SHANK2: variants seen among roughly 807,000 people sequenced by gnomAD.
SHANK2 encodes SH3 and multiple ankyrin repeat domains protein 2.
Under a neutral mutation model 133.7 loss-of-function variants are expected in SHANK2, and 43 were observed. That is an observed-to-expected ratio of 0.32 (90% CI 0.25 to 0.41). The LOEUF (loss-of-function observed/expected upper bound fraction) is 0.41. Among genes scored for constraint, SHANK2 ranks in the 10% least tolerant of loss-of-function variants. The pLI is 1.00. For synonymous variants in SHANK2, 1,017 were observed against 952.8 expected, an observed-to-expected ratio of 1.07 and a Z score of -1.24; for missense variants, 1,994 against 2,235.8, an observed-to-expected ratio of 0.89 and a Z score of 2.18.
At chr11:71,094,446 C>T in intron 7 of SHANK2, 91 bp downstream of exon 7, 1 of 1,295,396 alleles carries the variant, frequency 7.7e-7, no homozygotes, top group Non-Finnish European at 1.1e-6. Flanking sequence ...GTGCACGGAC[C>T]CCCTAGGATG....
At chr11:70,934,337 C>G (rs1051732705) in intron 10 of SHANK2, among the ~76,000 whole-genome samples, 13 of 152,078 alleles carry the variant, frequency 8.5e-5, no homozygotes, top group African/African-American at 3.1e-4. Context: ...AGGTTCCTCA[C>G]CCCAGGTAAT....
At chr11:70,563,116 AC>A (rs1177369765) in intron 17 of SHANK2, among the ~76,000 whole-genome samples, 2 of 152,078 alleles carry the variant, frequency 1.3e-5, no homozygotes, top group Non-Finnish European at 2.9e-5. Flanking sequence ...TGATCCGCCC[AC>A]CCTGGCCTCC....
At chr11:70,497,716 C>G (rs1252640424) in intron 21 of SHANK2, among the ~76,000 whole-genome samples, 3 of 152,256 alleles carry the variant, frequency 2.0e-5, no homozygotes, top group African/African-American at 7.2e-5. Flanking sequence ...GTGCCCTGTG[C>G]TAGAGAAATC....
intron 21 of SHANK2, among the ~76,000 whole-genome samples, chr11:70,498,953 G>T (rs1385778799): frequency 1.3e-5 from 2 of 152,120 alleles, no homozygotes; most frequent in Non-Finnish European, 2.9e-5. Context: ...TCCAAATAAG[G>T]TCCCATTCAC....
In SHANK2 at chr11:70,804,535, C is replaced by T. The variant is rs782585068; in HGVS notation, c.1663+2467G>A. On this transcript the variant is annotated intron_variant, in intron 13 of 25. Coordinates refer to ENST00000601538, the MANE Select transcript of SHANK2 (RefSeq NM_012309.5). The surrounding 1 kb of genome is among the most constrained non-coding windows in gnomAD (Gnocchi z 4.1). ...AAGGCCCAGCTCCCCGCACGCCCCA[C>T]GCTCCTGCGAGGGGCGGGTTCCAGT... Among the ~76,000 whole-genome samples, 8 of 152,154 alleles carry T rather than the reference C, an allele frequency of 5.3e-5. No individual in the cohort carries two copies. Among genetic ancestry groups the T allele is most frequent in the African/African-American group, 9.7e-5 (4 of 41,438 alleles).
chr11:70,934,689 C>T (rs1441811908), intron 10 of SHANK2, among the ~76,000 whole-genome samples: 3 of 152,202 alleles, frequency 2.0e-5, no homozygotes, highest in Non-Finnish European at 2.9e-5. Context: ...AATGCTGCTG[C>T]TGAATATTTC....
chr11:70,706,804 G>A (rs1220431691), intron 14 of SHANK2, among the ~76,000 whole-genome samples: 1 of 151,706 alleles, frequency 6.6e-6, no homozygotes, highest in Non-Finnish European at 1.5e-5. Flanking sequence ...TGGGACTCAC[G>A]AGAGGCAGTG....
intron 4 of SHANK2, 54 bp from the exon 5 acceptor site, chr11:71,113,418 G>C: frequency 6.7e-7 from 1 of 1,500,648 alleles, no homozygotes; most frequent in Non-Finnish European, 9.1e-7. Context: ...TCTCAGAGTT[G>C]TTCAGAGGGA....
At chr11:70,666,808 A>G (rs781889820) in intron 15 of SHANK2, among the ~76,000 whole-genome samples, 3 of 152,184 alleles carry the variant, frequency 2.0e-5, no homozygotes, top group Non-Finnish European at 4.4e-5. Flanking sequence ...AGCAAATGCC[A>G]TGCCCTGATC....
chr11:70,925,411 A>G (rs932382417), intron 10 of SHANK2, among the ~76,000 whole-genome samples: 5 of 152,162 alleles, frequency 3.3e-5, no homozygotes, highest in Admixed American at 1.3e-4. Context: ...CTGTGTAATA[A>G]GGAAACAGCA....
intron 10 of SHANK2, among the ~76,000 whole-genome samples, chr11:70,951,369 G>T (rs1412870547): frequency 3.8e-5 from 5 of 131,464 alleles, no homozygotes; most frequent in Non-Finnish European, 8.1e-5. Context: ...CTGGCGGCTG[G>T]GTGGTGATGT....
intron 10 of SHANK2, among the ~76,000 whole-genome samples, chr11:70,938,190 G>A (rs900836202): frequency 1.6e-4 from 24 of 152,114 alleles, no homozygotes; most frequent in Admixed American, 1.0e-3. Flanking sequence ...AGGTCGGAAC[G>A]GAACCCAGAG....
At chr11:70,484,317 T>A (rs955900938) in intron 25 of SHANK2, among the ~76,000 whole-genome samples, 1 of 152,168 alleles carries the variant, frequency 6.6e-6, no homozygotes, top group African/African-American at 2.4e-5. Context: ...GGAGTTCTCA[T>A]GAACGGTTTA....
intron 11 of SHANK2, among the ~76,000 whole-genome samples, chr11:70,876,058 A>C (rs1949555596): frequency 6.6e-6 from 1 of 152,016 alleles, no homozygotes; most frequent in Non-Finnish European, 1.5e-5. Flanking sequence ...TGGGAGGCTG[A>C]GGCAGGAGAA....
intron 2 of SHANK2, among the ~76,000 whole-genome samples, chr11:71,204,019 G>A (rs1309674763): frequency 4.6e-5 from 7 of 152,222 alleles, no homozygotes; most frequent in South Asian, 2.1e-4. Flanking sequence ...TCCACCCTTC[G>A]CTGTGATGAA....
chr11:70,895,833 T>C (rs961316804), intron 11 of SHANK2, among the ~76,000 whole-genome samples: 4 of 152,034 alleles, frequency 2.6e-5, no homozygotes, highest in Non-Finnish European at 5.9e-5. Context: ...CTTTTCTTTT[T>C]AGATTTTTAA....
rs368317106 is a variant in SHANK2, at chr11:70,492,390, G to A, written c.2384C>T (p.Ala795Val). 9 of 1,613,338 alleles carry A rather than the reference G, an allele frequency of 5.6e-6. No homozygotes were observed. The highest frequency in any genetic ancestry group is 1.6e-4 in the Middle Eastern group (1 of 6,084). The change falls in exon 22 of 26, where the codon GCG becomes GTG. Residue 795 changes from alanine (A) to valine (V), a missense_variant. Coordinates refer to ENST00000601538, the MANE Select transcript of SHANK2 (RefSeq NM_012309.5). ...AENMAVEPRV[A>V]TIKQRPSSRC... Reference sequence around the variant, plus strand: ...GCTGCTGGGCCGCTGCTTGATGGTCGCCACCCTCGGTTCCACAGCCATGTT... The same window carrying A: ...GCTGCTGGGCCGCTGCTTGATGGTCACCACCCTCGGTTCCACAGCCATGTT...
chr11:70,828,961 G>A (rs1323100890), intron 11 of SHANK2, among the ~76,000 whole-genome samples: 5 of 152,242 alleles, frequency 3.3e-5, no homozygotes, highest in South Asian at 2.1e-4. Flanking sequence ...CTGCCTCTGC[G>A]GCCTGCCATG....
rs546388113 is a variant in SHANK2, at chr11:70,558,920, G to A, written c.2062-55989C>T. ...GTCGGCCTGCAGCGCGTCTGCACAC[G>A]GAAGAGAGATGTGCTCGGGGCAATG... On this transcript the variant is annotated intron_variant, in intron 17 of 25. Coordinates refer to ENST00000601538, the MANE Select transcript of SHANK2 (RefSeq NM_012309.5). 2.0e-5 allele frequency among the ~76,000 whole-genome samples: 3 copies of A among 152,338 alleles called. No homozygotes were observed. In the East Asian group the frequency reaches 5.8e-4, roughly 29 times the overall value.
Sources: gnomAD v4.1 joint callset for allele counts (sites outside exome capture counted in the v4.1 genomes callset) on GRCh38, gnomAD v4.1.1 for gene constraint, Gnocchi (gnomAD v3.1) non-coding constraint, MANE v1.5 for transcripts, NCBI Gene and HGNC (gene_info 2026-07-23, HGNC 2026-07-21) for gene names.